The following TMEM217 variants were observed in gnomAD, a reference collection of about 807,000 sequenced individuals.
TMEM217 encodes chromosome 6 open reading frame 128.
For missense variants in TMEM217, 204 were observed against 248.8 expected, an observed-to-expected ratio of 0.82 and a Z score of 1.21; for synonymous variants, 76 against 88.3, an observed-to-expected ratio of 0.86 and a Z score of 0.78.
intron 1 of TMEM217, among the ~76,000 whole-genome samples, chr6:37,255,294 G>C (rs184357801): frequency 2.6e-4 from 40 of 152,254 alleles, no homozygotes; most frequent in African/African-American, 8.9e-4. Context: ...AGTCATGTAG[G>C]GTCTTTAAGG....
downstream of TMEM217, chr6:37,213,092 G>T (rs1307081484): frequency 3.6e-6 from 3 of 837,818 alleles, no homozygotes; most frequent in Non-Finnish European, 5.6e-6. Flanking sequence ...AGAGCTAAGA[G>T]CAATGATGGT....
At chr6:37,225,370 G>A (rs1562006966) in intron 1 of TMEM217, among the ~76,000 whole-genome samples, 1 of 151,960 alleles carries the variant, frequency 6.6e-6, no homozygotes, top group African/African-American at 2.4e-5. Context: ...GTTCATCATA[G>A]TTTAAAAAAA....
chr6:37,247,957 G>C (rs1375053594), intron 1 of TMEM217, among the ~76,000 whole-genome samples: 1 of 152,164 alleles, frequency 6.6e-6, no homozygotes, highest in African/African-American at 2.4e-5. Flanking sequence ...TGAGGGATGT[G>C]GGTGAGGTAC....
intron 1 of TMEM217, among the ~76,000 whole-genome samples, chr6:37,231,729 T>C (rs986918993): frequency 6.8e-6 from 1 of 147,558 alleles, no homozygotes; most frequent in Non-Finnish European, 1.5e-5. Context: ...TTTTATCTTT[T>C]ATATATATAT....
At chr6:37,212,261 C>G (rs2113790477) in exon 4 of TMEM217, 1 of 345,402 alleles carries the variant, frequency 2.9e-6, no homozygotes, top group African/African-American at 2.1e-5. Context: ...AATTGATCCG[C>G]ACAACCTGCC....
At chr6:37,237,516 AT>A (rs1166917788) in intron 1 of TMEM217, among the ~76,000 whole-genome samples, 2 of 152,242 alleles carry the variant, frequency 1.3e-5, no homozygotes, top group African/African-American at 4.8e-5. Context: ...TCATGCAGAC[AT>A]TAAAAAGGAT....
rs755752365 is a variant in TMEM217 at position 37,226,281 on chromosome 6, C to CTTT, written c.-11-7243_-11-7241dup. ...TTTTATTTTGTTTTTTTGAGACAGT[C>CTTT]TTTTTTTTTTTTTTTTTTTTTTTTT... On this transcript the variant is annotated intron_variant, in intron 1 of 1. Transcript: ENST00000357219. Among the ~76,000 whole-genome samples, 29 of 74,892 alleles carry CTTT rather than the reference C, an allele frequency of 3.9e-4. 2 individuals are homozygous for CTTT. The highest frequency in any genetic ancestry group is 6.0e-4 in the African/African-American group (11 of 18,452). The allele number at this position is 74,892 out of a possible 152,430, so 49.1% of individuals were successfully genotyped here. A position where few individuals can be genotyped will look rare whatever the true frequency, so the allele number is the denominator to read the frequency against.
chr6:37,245,414 C>T (rs1028115352), intron 1 of TMEM217, among the ~76,000 whole-genome samples: 6 of 152,272 alleles, frequency 3.9e-5, no homozygotes, highest in African/African-American at 1.4e-4. Flanking sequence ...GGAATGGATT[C>T]TGTGCTGCTT....
At chr6:37,222,287 G>C (rs1362940295) in intron 1 of TMEM217, among the ~76,000 whole-genome samples, 1 of 152,180 alleles carries the variant, frequency 6.6e-6, no homozygotes, top group Non-Finnish European at 1.5e-5. Flanking sequence ...CCTTCCACCC[G>C]GGAATCGATA....
chr6:37,241,799 C>T (rs1764782265), intron 1 of TMEM217, among the ~76,000 whole-genome samples: 1 of 152,218 alleles, frequency 6.6e-6, no homozygotes, highest in African/African-American at 2.4e-5. Context: ...TTATTTAAAA[C>T]TCCATTAACT....
At chr6:37,217,977 T>C (rs1763306415) in exon 2 of TMEM217, 2 of 989,122 alleles carry the variant, frequency 2.0e-6, no homozygotes, top group South Asian at 9.3e-5. Flanking sequence ...GATGTTCCGG[T>C]TGTGATTATA....
At chr6:37,252,635 A>ATTTTTT (rs1489045294) in intron 1 of TMEM217, among the ~76,000 whole-genome samples, 18 of 60,370 alleles carry the variant, frequency 3.0e-4, no homozygotes, top group African/African-American at 5.9e-4. Context: ...ATATATATAT[A>ATTTTTT]TATTTTTTTT....
At chr6:37,216,335 T>C (rs984299962), downstream of TMEM217, among the ~76,000 whole-genome samples, 1 of 152,110 alleles carries the variant, frequency 6.6e-6, no homozygotes, top group African/African-American at 2.4e-5. Flanking sequence ...CGCTTTGGCC[T>C]CCAAAAGTAT....
chr6:37,256,729 A>T (rs1765760969), intron 1 of TMEM217, among the ~76,000 whole-genome samples: 2 of 95,298 alleles, frequency 2.1e-5, no homozygotes, highest in South Asian at 7.9e-4. Flanking sequence ...TACATGTGGT[A>T]GCTGTAAATG....
At chr6:37,218,671 G>T in exon 2 of TMEM217, 5 of 1,614,100 alleles carry the variant, frequency 3.1e-6, no homozygotes, top group Non-Finnish European at 4.2e-6. Flanking sequence ...CCTCTTTAAT[G>T]TCAAAGTCAT....
At chr6:37,228,244 A>AG (rs1488372775) in intron 1 of TMEM217, among the ~76,000 whole-genome samples, 3 of 152,212 alleles carry the variant, frequency 2.0e-5, no homozygotes, top group Non-Finnish European at 4.4e-5. Context: ...AAGAAAAAAA[A>AG]GAAAGAAAAA....
chr6:37,229,373 C>T (rs1037922813), intron 1 of TMEM217, among the ~76,000 whole-genome samples: 7 of 103,086 alleles, frequency 6.8e-5, no homozygotes, highest in Admixed American at 6.1e-4. Flanking sequence ...GACAGTGTCT[C>T]GCTCTGTCGC....
At chr6:37,217,904 G>A in exon 2 of TMEM217, 1 of 985,918 alleles carries the variant, frequency 1.0e-6, no homozygotes, top group Non-Finnish European at 1.2e-6. Context: ...GTGGTAGAAA[G>A]GTGAGTTCAC....
intron 1 of TMEM217, among the ~76,000 whole-genome samples, chr6:37,255,234 A>T (rs989448529): frequency 2.6e-5 from 4 of 152,234 alleles, no homozygotes; most frequent in Non-Finnish European, 5.9e-5. Context: ...CAGCAGATTA[A>T]GCAAGAAAGA....
Sources: allele counts gnomAD v4.1 joint callset (sites outside exome capture counted in the v4.1 genomes callset), GRCh38; gene constraint gnomAD v4.1.1; transcripts MANE v1.5; gene names NCBI Gene and HGNC (gene_info 2026-07-23, HGNC 2026-07-21).